ANKRD30B: variants seen among roughly 807,000 people sequenced by gnomAD.
ANKRD30B encodes ankyrin repeat domain 30B, also known as ankyrin repeat domain-containing protein 30B.
Under a neutral mutation model 202.2 loss-of-function variants are expected in ANKRD30B, and 144 were observed. That is an observed-to-expected ratio of 0.71 (90% CI 0.62 to 0.82). The LOEUF (loss-of-function observed/expected upper bound fraction) is 0.82. Ranked by LOEUF, ANKRD30B falls within the 40% of genes least tolerant of loss-of-function variation. The pLI is 0.00. For synonymous variants in ANKRD30B, 508 were observed against 561.3 expected, an observed-to-expected ratio of 0.91 and a Z score of 1.34; for missense variants, 1,487 against 1,669.1, an observed-to-expected ratio of 0.89 and a Z score of 1.90.
At chr18:14,882,480 A>G in the ANKRD30B span, among the ~76,000 whole-genome samples, 1 of 152,196 alleles carries the variant, frequency 6.6e-6, no homozygotes, top group South Asian at 2.1e-4. Context: ...GCGTGATACA[A>G]TTTCAATTTT....
At position 14,852,021 on chromosome 18, in the gene ANKRD30B, C is replaced by T. The variant is rs910398480; in HGVS notation, c.4077C>T (p.Ser1359=). Residue 1359 remains serine (S), a synonymous_variant, in exon 42 of 44, where the codon TCC becomes TCT. Transcript: ENST00000690538. ...CACTTTATGAAGCTCAAAGGAAATCCAAAAGCCCAAAAATTAATCTCAATT... is the reference window on the plus strand; with the variant it reads ...CACTTTATGAAGCTCAAAGGAAATCTAAAAGCCCAAAAATTAATCTCAATT... The part of the protein sequence containing the change: ...HQPLYEAQRK[S]KSPKINLNYA... 3.1e-6 allele frequency: 5 copies of T among 1,600,306 alleles called. No homozygotes were observed. The African/African-American group carries it at 6.7e-5, about 22-fold the overall frequency.
intron 39 of ANKRD30B, among the ~76,000 whole-genome samples, chr18:14,848,358 C>T (rs551039105): frequency 1.3e-5 from 2 of 152,214 alleles, no homozygotes; most frequent in South Asian, 2.1e-4. Flanking sequence ...TTTTCTTCCC[C>T]CCTTGCTCAA....
intron 9 of ANKRD30B, 59 bp from the exon 10 acceptor site, chr18:14,777,926 A>G: frequency 8.0e-7 from 1 of 1,253,628 alleles, no homozygotes; most frequent in Non-Finnish European, 1.1e-6. Context: ...GTGAGACTTC[A>G]TCTCAAAAAA....
chr18:14,888,013 C>T, the ANKRD30B span, among the ~76,000 whole-genome samples: 1 of 152,180 alleles, frequency 6.6e-6, no homozygotes, highest in East Asian at 1.9e-4. Context: ...ATCTTATATA[C>T]AAGATTTTTG....
the ANKRD30B span, among the ~76,000 whole-genome samples, chr18:14,867,750 C>T: frequency 6.6e-6 from 1 of 152,140 alleles, no homozygotes; most frequent in Non-Finnish European, 1.5e-5. Flanking sequence ...CTCCAGTCCC[C>T]ACCCCAGGTC....
chr18:14,784,502 TTTGAA>T lies in ANKRD30B; in HGVS notation c.1645_1649del (p.Leu549GlufsTer2). The T allele has an allele frequency of 6.2e-7, 1 of 1,613,080 alleles. No individual in the cohort carries two copies. Among genetic ancestry groups the T allele is most frequent in the Non-Finnish European group, 8.5e-7 (1 of 1,179,308 alleles). On this transcript the variant is annotated frameshift_variant, in exon 14 of 44. Coordinates refer to ENST00000690538, the MANE Select transcript of ANKRD30B (RefSeq NM_001367607.2). LOFTEE classifies it high-confidence loss of function. ...GCAAAAGACTGTTCCAAATAAAGCC[TTTGAA>T]TTGAAGAATGAACAAACATTGAGAG...
chr18:14,870,317 G>T, the ANKRD30B span, among the ~76,000 whole-genome samples: 1 of 152,236 alleles, frequency 6.6e-6, no homozygotes. Context: ...TCAAATGGGT[G>T]GTGACGTCTG....
chr18:14,895,990 A>G, the ANKRD30B span, among the ~76,000 whole-genome samples: 1 of 152,222 alleles, frequency 6.6e-6, no homozygotes, highest in African/African-American at 2.4e-5. Context: ...TATACAAAGC[A>G]AAGCGTGGAC....
At chr18:14,853,728 A>C (rs189720590) in intron 42 of ANKRD30B, among the ~76,000 whole-genome samples, 81 bp from the exon 43 acceptor site, 35 of 152,306 alleles carry the variant, frequency 2.3e-4, no homozygotes, top group Admixed American at 2.1e-3. Context: ...AAACTGAATC[A>C]ATATATTTGG....
the ANKRD30B span, chr18:14,888,925 A>C: frequency 9.4e-7 from 1 of 1,066,516 alleles, no homozygotes; most frequent in Non-Finnish European, 1.3e-6. Context: ...CAAACAAACA[A>C]ACATGTTCCA....
At chr18:14,809,104 ACTAGATATACCC>A (rs1568035233) in intron 26 of ANKRD30B, among the ~76,000 whole-genome samples, 1 of 142,902 alleles carries the variant, frequency 7.0e-6, no homozygotes, top group African/African-American at 2.6e-5. Context: ...CCAACAATTC[ACTAGATATACCC>A]GCATTTACTA....
intron 30 of ANKRD30B, among the ~76,000 whole-genome samples, chr18:14,821,231 G>A (rs1970403640): frequency 6.6e-6 from 1 of 151,866 alleles, no homozygotes; most frequent in African/African-American, 2.4e-5. Flanking sequence ...ATTTTTTATT[G>A]CATCTATTTG....
intron 24 of ANKRD30B, among the ~76,000 whole-genome samples, chr18:14,807,794 G>A (rs1969613338): frequency 6.6e-6 from 1 of 150,958 alleles, no homozygotes; most frequent in Admixed American, 6.6e-5. Flanking sequence ...GGGTTTCCAA[G>A]GTTCTGGAGA....
chr18:14,862,897 C>T, the ANKRD30B span, among the ~76,000 whole-genome samples: 1 of 152,222 alleles, frequency 6.6e-6, no homozygotes, highest in South Asian at 2.1e-4. Context: ...TTTATGTTTG[C>T]CCTACTGGGT....
At position 14,831,474 on chromosome 18, in the gene ANKRD30B, A is replaced by G. The variant is rs1400734690; in HGVS notation, c.2847+19A>G. ...TACCAAGGTAAAATAGTCTCTTGTT[A>G]AATTGATTTTCTCAGTTGGAATCTA... On this transcript the variant is annotated intron_variant, in intron 34 of 43. Coordinates refer to ENST00000690538, the MANE Select transcript of ANKRD30B (RefSeq NM_001367607.2). 2 of 1,392,712 alleles carry G rather than the reference A, an allele frequency of 1.4e-6. No individual in the cohort carries two copies. The highest frequency in any genetic ancestry group is 5.0e-5 in the East Asian group (2 of 39,864). 86.3% of individuals were successfully genotyped at this position (1,392,712 alleles called of 1,614,324 possible).
At chr18:14,791,780 G>GA (rs1010080399) in intron 16 of ANKRD30B, among the ~76,000 whole-genome samples, 41 of 152,236 alleles carry the variant, frequency 2.7e-4, no homozygotes, top group African/African-American at 9.4e-4. Context: ...TGAAGATCGA[G>GA]AAAGACAGAG....
rs186882550 is a variant in ANKRD30B at position 14,748,428 on chromosome 18, G to T, written c.9G>T (p.Arg3Ser). The T allele has an allele frequency of 4.5e-4, 680 of 1,506,788 alleles. 8 individuals are homozygous for T. The Admixed American group carries it at 0.014, about 31-fold the overall frequency. 93.3% of individuals were successfully genotyped at this position (1,506,788 alleles called of 1,614,324 possible). A position where few individuals can be genotyped will look rare whatever the true frequency, so the allele number is the denominator to read the frequency against. MK[R>S]LLAAAGKGVR... ...AGCAGGGGGCTGCAGCCATGAAGAG[G>T]CTCTTAGCTGCCGCTGGCAAGGGCG... Residue 3 changes from arginine to serine, a missense_variant, in exon 1 of 44, where the codon AGG becomes AGT. Coordinates refer to ENST00000690538, the MANE Select transcript of ANKRD30B (RefSeq NM_001367607.2).
In ANKRD30B at chr18:14,806,304, C is replaced by T. The variant is rs145552333; in HGVS notation, c.2285-2247C>T. Among the ~76,000 whole-genome samples, 519 of 150,738 alleles carry T rather than the reference C, an allele frequency of 3.4e-3. 34 individuals carry two copies. The highest frequency in any genetic ancestry group is 0.011 in the African/African-American group (467 of 40,832). ...GACTCTCTTCATGGTGACTAAAAAGCATCATAATAATTACAGATGTCAGCA... is the reference window on the plus strand; with the variant it reads ...GACTCTCTTCATGGTGACTAAAAAGTATCATAATAATTACAGATGTCAGCA... On this transcript the variant is annotated intron_variant, in intron 24 of 43. Coordinates refer to ENST00000690538, the MANE Select transcript of ANKRD30B (RefSeq NM_001367607.2).
At chr18:14,939,392 C>A in the ANKRD30B span, among the ~76,000 whole-genome samples, 1 of 152,178 alleles carries the variant, frequency 6.6e-6, no homozygotes, top group Non-Finnish European at 1.5e-5. Context: ...CTCCTCACAC[C>A]CAAGGTCCCT....
Sources: allele counts gnomAD v4.1 joint callset (sites outside exome capture counted in the v4.1 genomes callset), GRCh38; gene constraint gnomAD v4.1.1; transcripts MANE v1.5; gene names NCBI Gene and HGNC (gene_info 2026-07-23, HGNC 2026-07-21).